Variants in RRP1B observed in about 807,000 individuals in gnomAD.
RRP1B encodes the protein ribosomal RNA processing protein 1 homolog B.
A neutral mutation model predicts 80.2 loss-of-function variants in RRP1B; 56 were observed. That is an observed-to-expected ratio of 0.70 (90% CI 0.56 to 0.87). The LOEUF is 0.87. Among genes scored for constraint, RRP1B ranks in the 40% least tolerant of loss-of-function variants. The probability of loss-of-function intolerance (pLI) is 0.00; values close to 1 mark genes in which losing one functional copy is unlikely to be tolerated. For missense variants in RRP1B, 807 were observed against 939.8 expected (o/e 0.86, Z 1.85); for synonymous variants, 351 against 357.6 (o/e 0.98, Z 0.21).
intron 3 of RRP1B, among the ~76,000 whole-genome samples, chr21:43,673,028 A>G (rs1175685663): frequency 6.6e-6 from 1 of 152,262 alleles, no homozygotes; most frequent in Non-Finnish European, 1.5e-5. Context: ...TTGTTTTTGA[A>G]TAAAAAAGTG....
intron 11 of RRP1B, 86 bp from the exon 12 acceptor site, chr21:43,686,718 A>C (rs2083064500): frequency 6.7e-7 from 1 of 1,499,456 alleles, no homozygotes; most frequent in African/African-American, 1.4e-5. Context: ...GATGAGGCAG[A>C]AATTGGGAGG....
At chr21:43,690,552 C>G in intron 14 of RRP1B, 112 bp downstream of exon 14, 1 of 1,254,988 alleles carries the variant, frequency 8.0e-7, no homozygotes, top group South Asian at 1.4e-5. Context: ...GCCCTCTGAG[C>G]CTGTCCACAG....
In RRP1B at chr21:43,693,117, G is replaced by A. The variant is rs1317076061; in HGVS notation, c.2084-73G>A. On this transcript the variant is annotated intron_variant, in intron 15 of 15. Coordinates refer to ENST00000340648, the MANE Select transcript of RRP1B (RefSeq NM_015056.3). This position sits in a 1 kb window ranked among gnomAD's most constrained non-coding sequence, Gnocchi z 4.1. ...GTGGGTGGGGTCGGCACCCAGGCAG[G>A]ACGCTGTCTAAGGTGTTGAAGGGAC... 6.6e-7 allele frequency: 1 copy of A among 1,517,486 alleles called. No individual in the cohort carries two copies. Among genetic ancestry groups the A allele is most frequent in the Non-Finnish European group, 9.1e-7 (1 of 1,104,600 alleles). The allele number at this position is 1,517,486 out of a possible 1,614,324, so 94.0% of individuals were successfully genotyped here.
At chr21:43,660,569 A>G (rs1435581227) in intron 1 of RRP1B, among the ~76,000 whole-genome samples, 1 of 152,218 alleles carries the variant, frequency 6.6e-6, no homozygotes, top group African/African-American at 2.4e-5. Flanking sequence ...TCTCAAAAAG[A>G]AAAGAAAAGA....
chr21:43,680,597 G>T (rs1346173257), intron 8 of RRP1B, among the ~76,000 whole-genome samples: 1 of 151,652 alleles, frequency 6.6e-6, no homozygotes, highest in East Asian at 1.9e-4. Flanking sequence ...GTCTTGCTCT[G>T]TTGCCCAGGC....
At chr21:43,665,525 A>G (rs958036966) in intron 1 of RRP1B, among the ~76,000 whole-genome samples, 7 of 152,206 alleles carry the variant, frequency 4.6e-5, no homozygotes, top group Non-Finnish European at 1.0e-4. Flanking sequence ...CATCTACGCC[A>G]TGCTAGTTTT....
Position 43,696,022 on chromosome 21 carries a change from G to A in RRP1B, c.*2639G>A, listed in dbSNP as rs1262325434. 6.6e-6 allele frequency: 1 copy of A among 152,060 alleles called. No individual in the cohort carries two copies. The highest frequency in any genetic ancestry group is 1.5e-5 in the Non-Finnish European group (1 of 68,016). 9.4% of individuals were successfully genotyped at this position (152,060 alleles called of 1,614,324 possible). On this transcript the variant is annotated 3_prime_UTR_variant, in exon 16 of 16. Coordinates refer to ENST00000340648, the MANE Select transcript of RRP1B (RefSeq NM_015056.3). ...ATCAAATTGTACTAGTGTCTGCAGG[G>A]TTTGTCAGTACTCGTCAAAGCCAAG...
rs2083060916 is a variant in RRP1B, at chr21:43,685,806, A to G, written c.1009+17A>G. ...TTTCTGAAGGTGAGGCGCGCCAAGA[A>G]TCATCATTCATGGTGTTTTTCGTGA... On this transcript the variant is annotated intron_variant, in intron 11 of 15. Coordinates refer to ENST00000340648, the MANE Select transcript of RRP1B (RefSeq NM_015056.3). 2 of 1,591,330 alleles carry G rather than the reference A, an allele frequency of 1.3e-6. No individual in the cohort carries two copies. The highest frequency in any genetic ancestry group is 2.3e-5 in the South Asian group (2 of 85,706).
At chr21:43,666,519 C>T (rs1026478249) in intron 1 of RRP1B, among the ~76,000 whole-genome samples, 1 of 152,158 alleles carries the variant, frequency 6.6e-6, no homozygotes, top group African/African-American at 2.4e-5. Context: ...GAGACTGAGA[C>T]CATCCTGGCC....
intron 3 of RRP1B, 100 bp downstream of exon 3, chr21:43,672,465 A>G (rs1047297070): frequency 2.3e-5 from 23 of 1,006,286 alleles, no homozygotes; most frequent in Non-Finnish European, 3.6e-5. Context: ...GGGACAAGCC[A>G]TTCCTGTTTT....
Position 43,659,709 on chromosome 21 carries a change from G to A in RRP1B, c.45G>A (p.Arg15=), listed in dbSNP as rs993130263. Residue 15 remains arginine, a synonymous_variant, in exon 1 of 16, where the codon CGG becomes CGA. Coordinates refer to ENST00000340648, the MANE Select transcript of RRP1B (RefSeq NM_015056.3). This position sits in a 1 kb window ranked among gnomAD's most constrained non-coding sequence, Gnocchi z 4.2. ...MQPAEIQFAQ[R]LASSEKGIRD... is the part of the protein sequence containing the mutation. ...CGGCCGAGATCCAATTTGCCCAGCG[G>A]CTGGCGTCCAGCGAGAAGGGCATCC... The A allele has an allele frequency of 1.5e-5, 23 of 1,531,938 alleles. No homozygotes were observed. In the African/African-American group the frequency reaches 1.6e-4, roughly 10 times the overall value. The allele number at this position is 1,531,938 out of a possible 1,614,324, so 94.9% of individuals were successfully genotyped here.
At position 43,681,668 on chromosome 21, in the gene RRP1B, C is replaced by T. The variant is rs570378231; in HGVS notation, c.797-1611C>T. On this transcript the variant is annotated intron_variant, in intron 8 of 15. Transcript: ENST00000340648. Reference sequence around the variant, plus strand: ...ATCTTTAAAAGAAAGAAAAAATACTCTGGCCAGGCACGGTGGCTCACACCT... The same window carrying T: ...ATCTTTAAAAGAAAGAAAAAATACTTTGGCCAGGCACGGTGGCTCACACCT... 1.3e-4 allele frequency among the ~76,000 whole-genome samples: 20 copies of T among 151,936 alleles called. No individual in the cohort carries two copies. The South Asian group carries it at 4.2e-3, about 32-fold the overall frequency.
intron 13 of RRP1B, 28 bp downstream of exon 13, chr21:43,688,268 T>C: frequency 6.7e-7 from 1 of 1,500,784 alleles, no homozygotes; most frequent in Non-Finnish European, 8.9e-7. Flanking sequence ...ACAGGCCAGC[T>C]CGCCACAGAG....
chr21:43,672,922 C>T (rs1223786975), intron 3 of RRP1B, among the ~76,000 whole-genome samples: 1 of 152,088 alleles, frequency 6.6e-6, no homozygotes, highest in African/African-American at 2.4e-5. Context: ...TTAGCTGACT[C>T]ATATTGAACA....
chr21:43,663,074 C>T (rs932420782), intron 1 of RRP1B, among the ~76,000 whole-genome samples: 1 of 152,030 alleles, frequency 6.6e-6, no homozygotes, highest in African/African-American at 2.4e-5. Context: ...TCTCTCTATC[C>T]AAGAGTTATA....
chr21:43,676,438 A>G, intron 7 of RRP1B, 102 bp downstream of exon 7: 1 of 901,430 alleles, frequency 1.1e-6, no homozygotes, highest in Non-Finnish European at 1.8e-6. Flanking sequence ...ACACTGCTTC[A>G]CAGCAGAGAG....
chr21:43,672,484 G>A (rs1335776983), intron 3 of RRP1B, 119 bp downstream of exon 3: 1 of 849,490 alleles, frequency 1.2e-6, no homozygotes, highest in East Asian at 2.5e-5. Flanking sequence ...TTTAAAAGCT[G>A]TGATAAACTT....
At chr21:43,664,164 C>T (rs370303233) in intron 1 of RRP1B, among the ~76,000 whole-genome samples, 2 of 151,934 alleles carry the variant, frequency 1.3e-5, no homozygotes, top group African/African-American at 2.4e-5. Flanking sequence ...ATGGGCCGGG[C>T]GCAGTGGCTC....
At chr21:43,689,040 T>C (rs1330865498) in intron 13 of RRP1B, among the ~76,000 whole-genome samples, 1 of 152,216 alleles carries the variant, frequency 6.6e-6, no homozygotes, top group Non-Finnish European at 1.5e-5. Context: ...CCTCCCAAAG[T>C]GCGGGATTAC....
Sources: allele counts gnomAD v4.1 joint callset (sites outside exome capture counted in the v4.1 genomes callset), GRCh38; gene constraint gnomAD v4.1.1; non-coding constraint Gnocchi (gnomAD v3.1); transcripts MANE v1.5; gene names NCBI Gene and HGNC (gene_info 2026-07-23, HGNC 2026-07-21).